ZFYVE1: variants seen among roughly 807,000 people sequenced by gnomAD.
The protein encoded by ZFYVE1 is zinc finger FYVE domain-containing protein 1.
In ZFYVE1, 30 loss-of-function variants were observed where a neutral mutation model predicts 74.4. The ratio of observed to expected loss-of-function variants is 0.40; its 90% confidence interval spans 0.30 to 0.55. The LOEUF is 0.55. ZFYVE1 is among the 20% of genes least tolerant of loss of function. ZFYVE1 has a pLI of 0.42. For missense variants in ZFYVE1, 703 were observed against 1,011.6 expected (o/e 0.69, Z 4.14); for synonymous variants, 335 against 385.1 (o/e 0.87, Z 1.52).
intron 2 of ZFYVE1, among the ~76,000 whole-genome samples, chr14:73,019,407 C>A (rs547438319): frequency 1.3e-3 from 152 of 118,940 alleles, no homozygotes; most frequent in African/African-American, 4.7e-3. Flanking sequence ...CACAGCAAGA[C>A]CCCATCTAAA....
In ZFYVE1 at chr14:72,975,296, T is replaced by C. The variant is rs1023630039; in HGVS notation, c.1806+255A>G. 2 of 548,262 alleles carry C rather than the reference T, an allele frequency of 3.6e-6. No individual in the cohort carries two copies. The highest frequency in any genetic ancestry group is 1.9e-5 in the African/African-American group (1 of 53,120). 34.0% of individuals were successfully genotyped at this position (548,262 alleles called of 1,614,324 possible). A position where few individuals can be genotyped will look rare whatever the true frequency, so the allele number is the denominator to read the frequency against. On this transcript the variant is annotated intron_variant, in intron 9 of 11. Coordinates refer to ENST00000556143, the MANE Select transcript of ZFYVE1 (RefSeq NM_021260.4). This position sits in a 1 kb window ranked among gnomAD's most constrained non-coding sequence, Gnocchi z 4.1. ...TGGGTCCTCACATATCTAAGCAATA[T>C]TCACTGGTCGTCACACACAAGGAAA...
At chr14:73,026,541 T>C (rs1235812606) in intron 1 of ZFYVE1, among the ~76,000 whole-genome samples, 2 of 152,110 alleles carry the variant, frequency 1.3e-5, no homozygotes, top group Non-Finnish European at 2.9e-5. Flanking sequence ...AAATCAAACT[T>C]GTCACAATTG....
At chr14:73,001,432 G>A (rs141816292) in intron 2 of ZFYVE1, among the ~76,000 whole-genome samples, 3,300 of 152,050 alleles carry the variant, frequency 0.022, 55 homozygotes, top group Non-Finnish European at 0.031. Context: ...GTAAAATACC[G>A]TCACATTTCT....
intron 2 of ZFYVE1, among the ~76,000 whole-genome samples, chr14:73,000,343 T>A (rs1249489314): frequency 6.6e-6 from 1 of 152,116 alleles, no homozygotes; most frequent in Non-Finnish European, 1.5e-5. Context: ...GGCTCAGGCC[T>A]ATAATCCCAG....
chr14:72,980,209 T>C (rs369760976), intron 5 of ZFYVE1, among the ~76,000 whole-genome samples: 125 of 152,196 alleles, frequency 8.2e-4, no homozygotes, highest in African/African-American at 7.5e-4. Flanking sequence ...AGGTCAGAGG[T>C]GGTTCTGCAT....
At chr14:72,999,183 C>T (rs1197063315) in intron 2 of ZFYVE1, among the ~76,000 whole-genome samples, 54 of 152,034 alleles carry the variant, frequency 3.6e-4, no homozygotes, top group Admixed American at 3.5e-3. Flanking sequence ...AATCCCAACA[C>T]TTTGTGAGGC....
rs369874927 is a variant in ZFYVE1, at chr14:72,971,117, A to G, written c.2102-3T>C. 9.7e-5 allele frequency: 156 copies of G among 1,614,010 alleles called. No individual in the cohort carries two copies. The African/African-American group carries it at 2.0e-3, about 20-fold the overall frequency. ...CCTGGCCGCGTCCTTTACCAGACCT[A>G]AGGCAGGGAACAATGGTCAGGGCAC... On this transcript the variant is annotated splice_polypyrimidine_tract_variant and splice_region_variant and intron_variant, in intron 11 of 11. Transcript: ENST00000556143.
chr14:72,983,769 A>G (rs1217164308), intron 4 of ZFYVE1, among the ~76,000 whole-genome samples: 1 of 152,190 alleles, frequency 6.6e-6, no homozygotes, highest in East Asian at 1.9e-4. Context: ...TTCTTGAGGA[A>G]TCGCCACGCT....
At chr14:73,005,559 C>T (rs994415629) in intron 2 of ZFYVE1, among the ~76,000 whole-genome samples, 6 of 152,202 alleles carry the variant, frequency 3.9e-5, no homozygotes, top group African/African-American at 9.7e-5. Flanking sequence ...ACCTGAATGC[C>T]ACTACAGGCT....
rs1233235280 is a variant in ZFYVE1 at position 72,980,532 on chromosome 14, AATTAATTTATTTATTTATTTATTT to A, written c.1310+1233_1310+1256del. On this transcript the variant is annotated intron_variant, in intron 5 of 11. Coordinates refer to ENST00000556143, the MANE Select transcript of ZFYVE1 (RefSeq NM_021260.4). ...TGAACATCAGCATCACCTGAGAATT[AATTAATTTATTTATTTATTTATTT>A]ATTTATTTATTTATTTATTTATTTA... is the stretch of plus-strand genomic sequence containing the variant. 5.5e-4 allele frequency among the ~76,000 whole-genome samples: 54 copies of A among 97,456 alleles called. No individual in the cohort carries two copies. In the East Asian group the frequency reaches 7.5e-3, roughly 14 times the overall value. The allele number at this position is 97,456 out of a possible 152,430, so 63.9% of individuals were successfully genotyped here.
intron 8 of ZFYVE1, 101 bp downstream of exon 8, chr14:72,977,826 T>C: frequency 7.9e-7 from 1 of 1,263,330 alleles, no homozygotes; most frequent in Admixed American, 2.1e-5. Flanking sequence ...ATTCTGAAAT[T>C]CATGGTTAAC....
chr14:72,983,202 T>C (rs1432044796), intron 4 of ZFYVE1, among the ~76,000 whole-genome samples: 1 of 152,106 alleles, frequency 6.6e-6, no homozygotes, highest in Non-Finnish European at 1.5e-5. Context: ...CAGTCTTTTT[T>C]TTTTTTTAAT....
intron 4 of ZFYVE1, among the ~76,000 whole-genome samples, chr14:72,983,390 C>T (rs60245507): frequency 4.9e-5 from 7 of 141,542 alleles, no homozygotes; most frequent in Non-Finnish European, 9.1e-5. Flanking sequence ...GATGTTCCCC[C>T]CCTTCCTGTG....
chr14:73,015,302 G>GA (rs1894171526), intron 2 of ZFYVE1, among the ~76,000 whole-genome samples: 1 of 74,582 alleles, frequency 1.3e-5, no homozygotes, highest in Non-Finnish European at 2.7e-5. Context: ...GGAAAGAAGG[G>GA]AGGGAGGGAG....
chr14:73,015,369 A>G lies in ZFYVE1; in HGVS notation c.483+8657T>C, dbSNP rs1204746348. Among the ~76,000 whole-genome samples the G allele has an allele frequency of 5.0e-4, 19 of 38,276 alleles. No homozygotes were observed. In the East Asian group the frequency reaches 5.2e-3, roughly 10 times the overall value. 25.1% of individuals were successfully genotyped at this position (38,276 alleles called of 152,430 possible). On this transcript the variant is annotated intron_variant, in intron 2 of 11. Transcript: ENST00000556143. ...AAGGGGAAGGAAGGGGGAAAGGAAG[A>G]GGGGAAGGAAGGGGGGAAGGAAGAG...
chr14:73,023,897 A>C (rs1894397818), intron 2 of ZFYVE1, 129 bp downstream of exon 2: 9 of 1,326,008 alleles, frequency 6.8e-6, no homozygotes, highest in African/African-American at 4.4e-5. Context: ...CATGCAACTA[A>C]AGCCTCCAGA....
intron 2 of ZFYVE1, among the ~76,000 whole-genome samples, chr14:73,006,508 T>C (rs1464937461): frequency 6.6e-6 from 1 of 151,286 alleles, no homozygotes; most frequent in Non-Finnish European, 1.5e-5. Flanking sequence ...CCAGGAGGTG[T>C]AGGTTGCAGT....
At position 72,975,373 on chromosome 14, in the gene ZFYVE1, A is replaced by G. The variant is rs1893141190; in HGVS notation, c.1806+178T>C. Among the ~76,000 whole-genome samples, 3 of 152,190 alleles carry G rather than the reference A, an allele frequency of 2.0e-5. No homozygotes were observed. Among genetic ancestry groups the G allele is most frequent in the Admixed American group, 2.0e-4 (3 of 15,284 alleles). On this transcript the variant is annotated intron_variant, in intron 9 of 11. Transcript: ENST00000556143. This position sits in a 1 kb window ranked among gnomAD's most constrained non-coding sequence, Gnocchi z 4.1. The stretch of plus-strand genomic sequence containing the variant: ...TGCAGGAAAACACGAAGGGAAATCA[A>G]TGGGCAAAGAGAAACTGGCTGCCTC...
chr14:72,994,013 C>CAA (rs59059738), intron 3 of ZFYVE1, among the ~76,000 whole-genome samples: 21 of 56,894 alleles, frequency 3.7e-4, no homozygotes, highest in African/African-American at 9.4e-4. Context: ...GATTCCGTCT[C>CAA]AAAAAAAAAA....
Sources: gnomAD v4.1 joint callset for allele counts (sites outside exome capture counted in the v4.1 genomes callset) on GRCh38, gnomAD v4.1.1 for gene constraint, Gnocchi (gnomAD v3.1) non-coding constraint, MANE v1.5 for transcripts, NCBI Gene and HGNC (gene_info 2026-07-23, HGNC 2026-07-21) for gene names.